Variants in CCL28 observed in about 807,000 individuals in gnomAD.
CCL28 encodes the protein C-C motif chemokine ligand 28, also known as C-C motif chemokine 28.
In CCL28, 4 loss-of-function variants were observed where a neutral mutation model predicts 7.1. That is an observed-to-expected ratio of 0.56 (90% CI 0.28 to 1.29). The LOEUF (loss-of-function observed/expected upper bound fraction) is 1.29. Among genes scored for constraint, CCL28 ranks in the 50% most tolerant of loss-of-function variants. The probability of loss-of-function intolerance (pLI) is 0.11; values close to 1 mark genes in which losing one functional copy is unlikely to be tolerated. For synonymous variants in CCL28, 55 were observed against 57.8 expected (o/e 0.95, Z 0.22); for missense variants, 151 against 163.4 (o/e 0.92, Z 0.41).
In CCL28 at chr5:43,388,332, C is replaced by T. The variant is rs373467781; in HGVS notation, c.191+18G>A. ...AATCACTGTGCAGGTTTAGACCTCC[C>T]GGCTGATGAGCACTCACATGACAGC... is the stretch of plus-strand genomic sequence containing the variant. On this transcript the variant is annotated intron_variant, in intron 2 of 2. Coordinates refer to ENST00000361115, the MANE Select transcript of CCL28 (RefSeq NM_148672.3). 1.9e-6 allele frequency: 3 copies of T among 1,613,550 alleles called. No individual in the cohort carries two copies. Among genetic ancestry groups the T allele is most frequent in the East Asian group, 2.2e-5 (1 of 44,892 alleles).
chr5:43,383,317 A>G (rs1040385786), intron 2 of CCL28, among the ~76,000 whole-genome samples: 1 of 152,172 alleles, frequency 6.6e-6, no homozygotes, highest in African/African-American at 2.4e-5. Context: ...TATCCAGATA[A>G]ATTGAAACTT....
the CCL28 span, among the ~76,000 whole-genome samples, chr5:43,366,475 G>T: frequency 6.6e-6 from 1 of 152,218 alleles, no homozygotes; most frequent in African/African-American, 2.4e-5. Flanking sequence ...GACCCTGTTT[G>T]CCTAGGTATC....
chr5:43,407,062 C>A (rs1457755612), intron 1 of CCL28, among the ~76,000 whole-genome samples: 1 of 152,214 alleles, frequency 6.6e-6, no homozygotes, highest in African/African-American at 2.4e-5. Flanking sequence ...AATGGCCATA[C>A]TGCCCAAGGT....
intron 1 of CCL28, among the ~76,000 whole-genome samples, chr5:43,404,955 C>T (rs1286269845): frequency 6.6e-6 from 1 of 152,154 alleles, no homozygotes; most frequent in African/African-American, 2.4e-5. Context: ...ACAAGAAGAG[C>T]TAACTATCCT....
At chr5:43,376,379 C>T (rs1002123773), downstream of CCL28, among the ~76,000 whole-genome samples, 4 of 152,180 alleles carry the variant, frequency 2.6e-5, no homozygotes, top group Admixed American at 1.3e-4. Context: ...AGAGATACTA[C>T]TAACCCACCT....
At chr5:43,371,370 C>G in the CCL28 span, among the ~76,000 whole-genome samples, 1 of 152,206 alleles carries the variant, frequency 6.6e-6, no homozygotes, top group East Asian at 1.9e-4. Flanking sequence ...TTCTGGTGTT[C>G]ATGCCATTGT....
chr5:43,404,580 C>A (rs538792736), intron 1 of CCL28, among the ~76,000 whole-genome samples: 2 of 152,254 alleles, frequency 1.3e-5, no homozygotes, highest in South Asian at 4.1e-4. Context: ...ACCATCGATG[C>A]TAGGAAGAAA....
the CCL28 span, among the ~76,000 whole-genome samples, chr5:43,364,730 C>A: frequency 6.6e-6 from 1 of 152,138 alleles, no homozygotes; most frequent in East Asian, 1.9e-4. Context: ...CTTTATGAAT[C>A]TGGATGCTCC....
At chr5:43,402,822 C>G (rs1162952822) in intron 1 of CCL28, among the ~76,000 whole-genome samples, 1 of 152,228 alleles carries the variant, frequency 6.6e-6, no homozygotes, top group South Asian at 2.1e-4. Flanking sequence ...TAATACTGCG[C>G]TTTTCCAATG....
chr5:43,371,249 T>G, the CCL28 span, among the ~76,000 whole-genome samples: 1 of 152,164 alleles, frequency 6.6e-6, no homozygotes, highest in Non-Finnish European at 1.5e-5. Flanking sequence ...GAGTAACCAT[T>G]ATCTTAACCA....
chr5:43,382,147 TA>T, intron 2 of CCL28, 95 bp from the exon 3 acceptor site: 1 of 1,080,848 alleles, frequency 9.3e-7, no homozygotes, highest in Non-Finnish European at 1.3e-6. Context: ...TGGGACACTG[TA>T]TTCCTAGAGA....
chr5:43,382,825 T>C (rs968362165), intron 2 of CCL28, among the ~76,000 whole-genome samples: 6 of 152,184 alleles, frequency 3.9e-5, no homozygotes, highest in Non-Finnish European at 7.3e-5. Flanking sequence ...TTCTTTTTTT[T>C]TGTTTTTGGT....
chr5:43,407,032 T>C (rs1049075794), intron 1 of CCL28, among the ~76,000 whole-genome samples: 9 of 152,104 alleles, frequency 5.9e-5, no homozygotes, highest in African/African-American at 2.2e-4. Context: ...CTCATGGATA[T>C]GAAGAATCAA....
the CCL28 span, among the ~76,000 whole-genome samples, chr5:43,371,417 A>G: frequency 1.3e-5 from 2 of 152,200 alleles, no homozygotes; most frequent in Non-Finnish European, 2.9e-5. Flanking sequence ...TTTGGTCTGT[A>G]TAACCTACAG....
chr5:43,372,420 G>A (rs1225280030), downstream of CCL28, among the ~76,000 whole-genome samples: 4 of 152,174 alleles, frequency 2.6e-5, no homozygotes, highest in Admixed American at 2.6e-4. Flanking sequence ...CCAGGCTGGA[G>A]TGCAGTGGGG....
chr5:43,372,681 C>T (rs536837553), downstream of CCL28, among the ~76,000 whole-genome samples: 9 of 151,342 alleles, frequency 5.9e-5, no homozygotes, highest in Non-Finnish European at 1.2e-4. Flanking sequence ...ATGTTATATT[C>T]ACTATATGCA....
At chr5:43,363,002 G>A in the CCL28 span, among the ~76,000 whole-genome samples, 8 of 152,276 alleles carry the variant, frequency 5.3e-5, no homozygotes, top group South Asian at 1.0e-3. Context: ...CTTACTTGGG[G>A]TGCACATACA....
At chr5:43,397,775 T>C (rs939946929) in intron 1 of CCL28, among the ~76,000 whole-genome samples, 2 of 152,222 alleles carry the variant, frequency 1.3e-5, no homozygotes, top group African/African-American at 4.8e-5. Flanking sequence ...ATTCCTCTAT[T>C]TCTACTATAA....
downstream of CCL28, among the ~76,000 whole-genome samples, chr5:43,375,316 A>C (rs939626292): frequency 6.9e-6 from 1 of 143,896 alleles, no homozygotes; most frequent in African/African-American, 2.6e-5. Context: ...AAGGAGTAAA[A>C]ATGCCACTGC....
Sources: gnomAD v4.1 joint callset for allele counts (sites outside exome capture counted in the v4.1 genomes callset) on GRCh38, gnomAD v4.1.1 for gene constraint, MANE v1.5 for transcripts, NCBI Gene and HGNC (gene_info 2026-07-23, HGNC 2026-07-21) for gene names.